Variants in TSNAX observed in about 807,000 individuals in gnomAD.
TSNAX encodes the protein translin-associated protein X.
A neutral mutation model predicts 33.0 loss-of-function variants in TSNAX; 12 were observed. The ratio of observed to expected loss-of-function variants is 0.36; its 90% CI spans 0.23 to 0.59. The LOEUF (loss-of-function observed/expected upper bound fraction) is 0.59, where lower values mean the gene tolerates loss of function less well. Ranked by LOEUF, TSNAX falls within the 20% of genes least tolerant of loss-of-function variation. TSNAX has a pLI of 0.74. For synonymous variants in TSNAX, 110 were observed against 117.2 expected (o/e 0.94, Z 0.40); for missense variants, 267 against 341.3 (o/e 0.78, Z 1.72).
chr1:231,538,631 G>T (rs1243213584), intron 3 of TSNAX, among the ~76,000 whole-genome samples: 2 of 152,130 alleles, frequency 1.3e-5, no homozygotes, highest in Non-Finnish European at 2.9e-5. Context: ...AGCTGTGATT[G>T]GTTTTATACT....
At chr1:231,530,191 CTG>C (rs1447079035) in intron 2 of TSNAX, among the ~76,000 whole-genome samples, 1 of 152,224 alleles carries the variant, frequency 6.6e-6, no homozygotes, top group Non-Finnish European at 1.5e-5. Context: ...ACATCAGACA[CTG>C]TCATTTTTGT....
chr1:231,553,079 A>G (rs1660428623), intron 4 of TSNAX, among the ~76,000 whole-genome samples: 1 of 152,224 alleles, frequency 6.6e-6, no homozygotes, highest in Non-Finnish European at 1.5e-5. Flanking sequence ...TTGTGTGAAT[A>G]TATGCTTTCA....
At chr1:231,557,766 G>A (rs1391787387) in intron 4 of TSNAX, among the ~76,000 whole-genome samples, 1 of 152,138 alleles carries the variant, frequency 6.6e-6, no homozygotes, top group African/African-American at 2.4e-5. Flanking sequence ...ACAGTGACTA[G>A]CCACAGAAAA....
intron 2 of TSNAX, chr1:231,535,227 T>C (rs1659084654): frequency 6.6e-6 from 1 of 152,208 alleles, no homozygotes; most frequent in Non-Finnish European, 1.5e-5. Flanking sequence ...AGACTCCCAG[T>C]TGTTGTACTG....
At chr1:231,543,172 C>T (rs559394778) in intron 4 of TSNAX, among the ~76,000 whole-genome samples, 27 of 149,870 alleles carry the variant, frequency 1.8e-4, no homozygotes, top group Middle Eastern at 3.4e-3. Context: ...CACAAGACTC[C>T]GTCTCAAAAA....
intron 3 of TSNAX, 24 bp downstream of exon 3, chr1:231,537,351 A>G: frequency 6.7e-7 from 1 of 1,485,818 alleles, no homozygotes; most frequent in Admixed American, 1.8e-5. Context: ...TTTAGAATTT[A>G]TTACAGTTTG....
chr1:231,529,787 G>A (rs538969823), intron 2 of TSNAX, among the ~76,000 whole-genome samples: 65 of 152,218 alleles, frequency 4.3e-4, no homozygotes, highest in African/African-American at 1.5e-3. Flanking sequence ...AGTGAATCTC[G>A]CATATCTATA....
chr1:231,543,948 A>G (rs774058491), intron 4 of TSNAX, among the ~76,000 whole-genome samples: 1 of 152,192 alleles, frequency 6.6e-6, no homozygotes, highest in African/African-American at 2.4e-5. Flanking sequence ...GGAGTGGGAG[A>G]CAGGATCAGA....
At chr1:231,532,303 C>A (rs941351123) in intron 2 of TSNAX, among the ~76,000 whole-genome samples, 2 of 151,756 alleles carry the variant, frequency 1.3e-5, no homozygotes, top group African/African-American at 4.8e-5. Context: ...GTGATCCTCC[C>A]ACCTCAACCT....
At chr1:231,530,774 G>A (rs1441795295) in intron 2 of TSNAX, among the ~76,000 whole-genome samples, 1 of 149,794 alleles carries the variant, frequency 6.7e-6, no homozygotes, top group Admixed American at 6.7e-5. Flanking sequence ...TGTAATCCCA[G>A]CTACTCGGGA....
At chr1:231,545,852 G>A (rs1402733971) in intron 4 of TSNAX, among the ~76,000 whole-genome samples, 1 of 152,088 alleles carries the variant, frequency 6.6e-6, no homozygotes, top group Non-Finnish European at 1.5e-5. Flanking sequence ...CTAAATCATA[G>A]ATATTTTTAC....
intron 4 of TSNAX, among the ~76,000 whole-genome samples, chr1:231,554,340 C>G (rs1660550596): frequency 6.6e-6 from 1 of 151,780 alleles, no homozygotes; most frequent in Non-Finnish European, 1.5e-5. Context: ...TTTCATAGAC[C>G]TTGGTGAGGA....
At chr1:231,548,613 G>C (rs538023979) in intron 4 of TSNAX, among the ~76,000 whole-genome samples, 3 of 152,332 alleles carry the variant, frequency 2.0e-5, no homozygotes, top group African/African-American at 7.2e-5. Flanking sequence ...GTCTAGGGAT[G>C]CCTTTAGGTT....
chr1:231,565,951 T>C lies in TSNAX; in HGVS notation c.*1046T>C, dbSNP rs1258395614. On this transcript the variant is annotated 3_prime_UTR_variant, in exon 6 of 6. Transcript: ENST00000366639. ...ATTATAATATTTTTGTTGGTAAAGT[T>C]GAGTTATATACTTGTACATACAATG... The C allele has an allele frequency of 2.6e-5, 4 of 152,124 alleles. No homozygotes were observed. The highest frequency in any genetic ancestry group is 5.9e-5 in the Non-Finnish European group (4 of 68,034). 9.4% of individuals were successfully genotyped at this position (152,124 alleles called of 1,614,324 possible).
rs1193177314 is a variant in TSNAX at position 231,533,260 on chromosome 1, G to A, written c.121+3901G>A. Among the ~76,000 whole-genome samples, 4 of 152,130 alleles carry A rather than the reference G, an allele frequency of 2.6e-5. No individual in the cohort carries two copies. In the East Asian group the frequency reaches 5.8e-4, roughly 22 times the overall value. On this transcript the variant is annotated intron_variant, in intron 2 of 5. Transcript: ENST00000366639. ...ACGACAGGCCTGTGCCACCATGCCC[G>A]GCTAATTTTTGTATTTTTAGTAGAC... is the stretch of plus-strand genomic sequence containing the variant.
chr1:231,532,131 A>C (rs1290910901), intron 2 of TSNAX, among the ~76,000 whole-genome samples: 4 of 85,150 alleles, frequency 4.7e-5, no homozygotes, highest in East Asian at 7.1e-4. Flanking sequence ...TAGTGGTAAT[A>C]ACACACACAC....
chr1:231,539,732 T>G (rs1659433679), intron 3 of TSNAX, among the ~76,000 whole-genome samples: 1 of 152,236 alleles, frequency 6.6e-6, no homozygotes, highest in Non-Finnish European at 1.5e-5. Context: ...AACTAGCAGA[T>G]TTCTTATTTT....
intron 4 of TSNAX, among the ~76,000 whole-genome samples, chr1:231,555,722 T>G (rs1351831823): frequency 6.6e-6 from 1 of 152,218 alleles, no homozygotes; most frequent in Admixed American, 6.5e-5. Context: ...ATTGCAGTAT[T>G]TGGCTTACAG....
At chr1:231,537,368 G>A in intron 3 of TSNAX, 41 bp downstream of exon 3, 1 of 1,289,326 alleles carries the variant, frequency 7.8e-7, no homozygotes, top group Non-Finnish European at 1.1e-6. Flanking sequence ...TTTGATACTA[G>A]CTATTAGAAT....
Sources: gnomAD v4.1 joint callset for allele counts (sites outside exome capture counted in the v4.1 genomes callset) on GRCh38, gnomAD v4.1.1 for gene constraint, MANE v1.5 for transcripts, NCBI Gene and HGNC (gene_info 2026-07-23, HGNC 2026-07-21) for gene names.